The following ATP7A variants were observed in gnomAD, a reference collection of about 807,000 sequenced individuals.
ATP7A encodes the protein copper-transporting ATPase 1.
A neutral mutation model predicts 83.5 loss-of-function variants in ATP7A; 7 were observed. That is an observed-to-expected ratio of 0.08 (90% CI 0.05 to 0.16). ATP7A has a LOEUF of 0.16. ATP7A is among the 10% of genes least tolerant of loss of function. The pLI is 1.00. For synonymous variants in ATP7A, 354 were observed against 395.2 expected (o/e 0.90, Z 1.24); for missense variants, 940 against 1,120.8 (o/e 0.84, Z 2.30).
intron 1 of ATP7A, among the ~76,000 whole-genome samples, chrX:77,955,748 C>T (rs1428553984): frequency 9.0e-6 from 1 of 111,160 alleles, no homozygotes; most frequent in Non-Finnish European, 1.9e-5. Flanking sequence ...AGAACTTATT[C>T]CTTCTATCTA....
intron 4 of ATP7A, among the ~76,000 whole-genome samples, chrX:77,997,429 C>T (rs1326186205): frequency 8.9e-6 from 1 of 112,164 alleles, no homozygotes; most frequent in Non-Finnish European, 1.9e-5. Context: ...AAAGTTTCTT[C>T]CAAACTTGCT....
At chrX:78,001,294 A>G (rs1160910617) in intron 5 of ATP7A, among the ~76,000 whole-genome samples, 4 of 111,277 alleles carry the variant, frequency 3.6e-5, no homozygotes, top group African/African-American at 1.3e-4. Flanking sequence ...TTCACTGTGT[A>G]TACGTTTATC....
At chrX:78,029,185 G>A (rs2077966164) in intron 14 of ATP7A, 65 bp from the exon 15 acceptor site, 2 of 1,094,167 alleles carry the variant, frequency 1.8e-6, no homozygotes, top group Non-Finnish European at 2.5e-6. Context: ...ATAGTGTTAA[G>A]TTTTGTGTCT....
At chrX:78,026,611 C>T (rs2077945237) in intron 14 of ATP7A, among the ~76,000 whole-genome samples, 1 of 111,844 alleles carries the variant, frequency 8.9e-6, no homozygotes, top group Admixed American at 9.5e-5. Context: ...CGGAATACTC[C>T]ACTCAATAAC....
chrX:77,971,496 A>T, intron 1 of ATP7A, 125 bp from the exon 2 acceptor site: 2 of 712,892 alleles, frequency 2.8e-6, no homozygotes, highest in East Asian at 3.3e-5. Context: ...AGCACATTTT[A>T]ATTTTTTAAA....
At chrX:77,973,654 A>G (rs944031616) in intron 2 of ATP7A, among the ~76,000 whole-genome samples, 1 of 111,765 alleles carries the variant, frequency 8.9e-6, no homozygotes, top group Non-Finnish European at 1.9e-5. Flanking sequence ...TTTTGTTGTT[A>G]TTGAATTTCT....
intron 21 of ATP7A, among the ~76,000 whole-genome samples, chrX:78,044,255 C>A (rs868993858): frequency 2.0e-3 from 123 of 61,663 alleles, no homozygotes; most frequent in Admixed American, 2.7e-3. Flanking sequence ...ACTCCGTCTC[C>A]AAAAAAAAAA....
chrX:77,966,180 T>C (rs1410022053), intron 1 of ATP7A, among the ~76,000 whole-genome samples: 1 of 112,393 alleles, frequency 8.9e-6, no homozygotes, highest in Non-Finnish European at 1.9e-5. Flanking sequence ...GTTTTAAAAC[T>C]GGTGTTGGGA....
intron 1 of ATP7A, among the ~76,000 whole-genome samples, chrX:77,968,535 G>A (rs1346163707): frequency 9.0e-6 from 1 of 111,634 alleles, no homozygotes; most frequent in Non-Finnish European, 1.9e-5. Flanking sequence ...CTCCTCATTG[G>A]TCGTGGCTTA....
rs2078076549 is a variant in ATP7A at position 78,045,342 on chromosome X, ATC to A, written c.4124-124_4124-123del. ...AGTGAAAAAAATGGCAACAACAAAAATCTCTACCACCAAGAGGATAAATGCTG... is the reference window on the plus strand; with the variant it reads ...AGTGAAAAAAATGGCAACAACAAAAATCTACCACCAAGAGGATAAATGCTG... On this transcript the variant is annotated intron_variant, in intron 21 of 22. Transcript: ENST00000341514. 7.8e-6 allele frequency: 5 copies of A among 639,572 alleles called. No homozygotes were observed. The Admixed American group carries it at 1.1e-4, about 14-fold the overall frequency. 52.7% of individuals were successfully genotyped at this position (639,572 alleles called of 1,213,427 possible).
chrX:78,022,891 A>T (rs1228874487), intron 14 of ATP7A, among the ~76,000 whole-genome samples: 1 of 111,346 alleles, frequency 9.0e-6, no homozygotes, highest in Admixed American at 9.6e-5. Flanking sequence ...CCCATCTCCC[A>T]AACAGTGAAC....
chrX:77,953,803 G>T, intron 1 of ATP7A, among the ~76,000 whole-genome samples: 1 of 112,357 alleles, frequency 8.9e-6, no homozygotes, highest in Non-Finnish European at 1.9e-5. Flanking sequence ...TCCTTTTGAG[G>T]TTATTGTTAG....
At chrX:78,010,313 C>T (rs987379385) in intron 7 of ATP7A, among the ~76,000 whole-genome samples, 1 of 112,016 alleles carries the variant, frequency 8.9e-6, no homozygotes, top group Non-Finnish European at 1.9e-5. Flanking sequence ...AGCCTAATTA[C>T]TCTGACTCCA....
At chrX:78,014,967 G>T (rs181875313) in intron 11 of ATP7A, among the ~76,000 whole-genome samples, 1 of 111,576 alleles carries the variant, frequency 9.0e-6, no homozygotes, top group Admixed American at 9.6e-5. Context: ...TTGTTTTACG[G>T]CTAAATATTC....
chrX:77,935,023 G>A (rs1379881261), intron 1 of ATP7A, among the ~76,000 whole-genome samples: 2 of 109,542 alleles, frequency 1.8e-5, no homozygotes, highest in Non-Finnish European at 3.8e-5. Flanking sequence ...TGTTGCCCAG[G>A]CTGGTCTTGA....
chrX:77,926,220 T>C (rs782251926), intron 1 of ATP7A, among the ~76,000 whole-genome samples: 1 of 112,414 alleles, frequency 8.9e-6, no homozygotes, highest in South Asian at 3.6e-4. Flanking sequence ...AGGGATCTGA[T>C]GCATGCATCC....
In ATP7A at chrX:78,003,100, T is replaced by C; in HGVS notation, c.1571T>C (p.Met524Thr). The C allele has an allele frequency of 8.3e-7, 1 of 1,210,406 alleles. No individual in the cohort carries two copies. Among genetic ancestry groups the C allele is most frequent in the Non-Finnish European group, 1.1e-6 (1 of 894,290 alleles). The change falls in exon 6 of 23, where the codon ATG (methionine) becomes ACG (threonine). Residue 524 changes from methionine to threonine, a missense_variant. By Grantham distance (81) the Met-to-Thr change is moderately conservative. This residue lies in a region of ATP7A where 350 missense variants were observed against 432.8 expected (regional missense o/e 0.81). Transcript: ENST00000341514. ...ATATATTCTATACTTGTGGCCCTGA[T>C]GGCTGGCAAGGCAGAAGTAAGGTAT... is the stretch of plus-strand genomic sequence containing the variant. ...EGIYSILVAL[M>T]AGKAEVRYNP... is the part of the protein sequence containing the mutation.
intron 4 of ATP7A, among the ~76,000 whole-genome samples, chrX:77,995,640 C>T (rs1557232466): frequency 9.2e-6 from 1 of 108,385 alleles, no homozygotes; most frequent in African/African-American, 3.3e-5. Flanking sequence ...TCTGTATTAT[C>T]GTTTCCTTAA....
chrX:77,922,292 G>A (rs1049621911), intron 1 of ATP7A, among the ~76,000 whole-genome samples: 8 of 110,993 alleles, frequency 7.2e-5, no homozygotes, highest in Non-Finnish European at 1.5e-4. Flanking sequence ...GTTGCTTGAG[G>A]CTGGGAGTTT....
Sources: allele counts gnomAD v4.1 joint callset (sites outside exome capture counted in the v4.1 genomes callset), GRCh38; gene constraint gnomAD v4.1.1; regional missense constraint gnomAD v4.1.1; transcripts MANE v1.5; gene names NCBI Gene and HGNC (gene_info 2026-07-23, HGNC 2026-07-21).